The following KMO variants were observed in gnomAD, a reference collection of about 807,000 sequenced individuals.
KMO encodes kynurenine 3-monooxygenase, also known as kynurenine 3-hydroxylase.
In KMO, 24 loss-of-function variants were observed where a neutral mutation model predicts 57.8. That is an observed-to-expected ratio of 0.42 (90% CI 0.30 to 0.58). KMO has a LOEUF of 0.58. Among genes scored for constraint, KMO ranks in the 20% least tolerant of loss-of-function variants. KMO has a pLI of 0.22. For synonymous variants in KMO, 210 were observed against 193.6 expected (o/e 1.08, Z -0.70); for missense variants, 483 against 588.2 (o/e 0.82, Z 1.85).
At chr1:241,588,242 T>A (rs1382732358) in intron 11 of KMO, among the ~76,000 whole-genome samples, 1 of 151,884 alleles carries the variant, frequency 6.6e-6, no homozygotes, top group Non-Finnish European at 1.5e-5. Context: ...ATATGTTTGC[T>A]GTGGTGTTTT....
chr1:241,550,879 T>C, intron 3 of KMO, 76 bp from the exon 4 acceptor site: 1 of 708,952 alleles, frequency 1.4e-6, no homozygotes, highest in Non-Finnish European at 2.3e-6. Context: ...AAATTACATT[T>C]AAAAATCAAC....
At chr1:241,552,354 G>A (rs1661439211) in intron 4 of KMO, among the ~76,000 whole-genome samples, 1 of 152,060 alleles carries the variant, frequency 6.6e-6, no homozygotes, top group African/African-American at 2.4e-5. Context: ...ATTTATAGGG[G>A]CCCCACATAC....
intron 10 of KMO, 55 bp from the exon 11 acceptor site, chr1:241,586,624 G>T: frequency 8.9e-7 from 1 of 1,126,438 alleles, no homozygotes; most frequent in Non-Finnish European, 1.3e-6. Flanking sequence ...CAATAATAAG[G>T]GTTTCTTTTT....
chr1:241,590,919 A>T (rs977323668), intron 14 of KMO, among the ~76,000 whole-genome samples: 5 of 152,180 alleles, frequency 3.3e-5, no homozygotes, highest in South Asian at 2.1e-4. Context: ...CGGAAGACAC[A>T]TGAGAAACAT....
At chr1:241,570,877 A>C (rs1205225552) in intron 10 of KMO, among the ~76,000 whole-genome samples, 1 of 152,130 alleles carries the variant, frequency 6.6e-6, no homozygotes, top group Non-Finnish European at 1.5e-5. Flanking sequence ...CTTGGGTAAT[A>C]TGGACATTTT....
At chr1:241,585,142 T>C (rs1335436472) in intron 10 of KMO, among the ~76,000 whole-genome samples, 1 of 152,092 alleles carries the variant, frequency 6.6e-6, no homozygotes, top group Non-Finnish European at 1.5e-5. Context: ...GGCAGGAGAA[T>C]CGCTTGAACC....
chr1:241,581,904 C>T (rs1317581466), intron 10 of KMO, among the ~76,000 whole-genome samples: 1 of 152,022 alleles, frequency 6.6e-6, no homozygotes, highest in African/African-American at 2.4e-5. Context: ...TTGTTAACAT[C>T]CTTTTCTTTC....
chr1:241,587,954 C>T (rs1663074332), intron 11 of KMO, among the ~76,000 whole-genome samples: 1 of 152,124 alleles, frequency 6.6e-6, no homozygotes, highest in Admixed American at 6.6e-5. Flanking sequence ...TACTTCCCAG[C>T]ATCACGTGCT....
chr1:241,569,797 A>G (rs1045728974), intron 10 of KMO, among the ~76,000 whole-genome samples: 4 of 152,188 alleles, frequency 2.6e-5, no homozygotes, highest in African/African-American at 9.6e-5. Context: ...CCCTCTGTCC[A>G]CATTCTCACC....
Position 241,592,141 on chromosome 1 carries a change from C to T in KMO, c.1449C>T (p.Leu483=). 6.2e-7 allele frequency: 1 copy of T among 1,613,352 alleles called. No homozygotes were observed. The highest frequency in any genetic ancestry group is 1.1e-5 in the South Asian group (1 of 91,024). The change falls in exon 15 of 15, where the codon CTC becomes CTT. Residue 483 remains leucine, a synonymous_variant. Transcript: ENST00000366559. ...AVDSLEQISN[L]ISR ...ACTCCCTAGAACAAATTTCCAATCTCATTAGCAGGTGATAGAAAGGTTTTG... is the reference window on the plus strand; with the variant it reads ...ACTCCCTAGAACAAATTTCCAATCTTATTAGCAGGTGATAGAAAGGTTTTG...
At chr1:241,566,789 A>G (rs1662096243) in intron 9 of KMO, among the ~76,000 whole-genome samples, 177 bp downstream of exon 9, 1 of 152,210 alleles carries the variant, frequency 6.6e-6, no homozygotes, top group Admixed American at 6.5e-5. Flanking sequence ...GGAATTCTGA[A>G]AAACACCCTT....
intron 1 of KMO, among the ~76,000 whole-genome samples, chr1:241,540,664 G>A (rs891873052): frequency 1.3e-5 from 2 of 152,164 alleles, no homozygotes; most frequent in East Asian, 1.9e-4. Flanking sequence ...GGGATCACAT[G>A]TAAGAATCCA....
At chr1:241,588,921 T>C in intron 12 of KMO, 91 bp downstream of exon 12, 1 of 852,792 alleles carries the variant, frequency 1.2e-6, no homozygotes, top group African/African-American at 1.7e-5. Flanking sequence ...AGCCCCCATC[T>C]CATGCATGCT....
At chr1:241,533,452 T>C (rs1284328728) in intron 1 of KMO, among the ~76,000 whole-genome samples, 1 of 152,240 alleles carries the variant, frequency 6.6e-6, no homozygotes, top group Non-Finnish European at 1.5e-5. Context: ...CCTTCCTTAG[T>C]GTCTTTTCCC....
intron 10 of KMO, among the ~76,000 whole-genome samples, chr1:241,584,775 T>C (rs1662902498): frequency 6.6e-6 from 1 of 152,204 alleles, no homozygotes; most frequent in South Asian, 2.1e-4. Context: ...GGTAAACATA[T>C]TGTTTTATAA....
chr1:241,581,836 G>T (rs1662764424), intron 10 of KMO, among the ~76,000 whole-genome samples: 1 of 151,984 alleles, frequency 6.6e-6, no homozygotes, highest in Non-Finnish European at 1.5e-5. Context: ...TACTGTATTT[G>T]TCTGTATACT....
At chr1:241,572,782 A>G (rs1045509422) in intron 10 of KMO, among the ~76,000 whole-genome samples, 5 of 151,632 alleles carry the variant, frequency 3.3e-5, no homozygotes, top group Non-Finnish European at 2.9e-5. Context: ...GTTTTTTGTC[A>G]CTCACTCCCC....
intron 1 of KMO, among the ~76,000 whole-genome samples, chr1:241,542,618 A>G (rs1660998525): frequency 6.6e-6 from 1 of 152,222 alleles, no homozygotes; most frequent in Non-Finnish European, 1.5e-5. Flanking sequence ...TCCTGTCTCT[A>G]TTAAGGCTTT....
intron 4 of KMO, 34 bp downstream of exon 4, chr1:241,551,078 T>A (rs746776499): frequency 3.3e-6 from 4 of 1,202,890 alleles, no homozygotes; most frequent in South Asian, 1.4e-5. Flanking sequence ...GTGCATTGAT[T>A]ATAAGGAAGT....
Sources: allele counts gnomAD v4.1 joint callset (sites outside exome capture counted in the v4.1 genomes callset), GRCh38; gene constraint gnomAD v4.1.1; transcripts MANE v1.5; gene names NCBI Gene and HGNC (gene_info 2026-07-23, HGNC 2026-07-21).